The following EYS variants were observed in gnomAD, a reference collection of about 807,000 sequenced individuals.
EYS encodes protein eyes shut homolog.
A neutral mutation model predicts 282.1 loss-of-function variants in EYS; 250 were observed. The ratio of observed to expected loss-of-function variants is 0.89; its 90% CI spans 0.80 to 0.98. EYS has a LOEUF of 0.98. EYS is among the 50% of genes least tolerant of loss of function. EYS has a pLI of 0.00. For synonymous variants in EYS, 1,355 were observed against 1,282.9 expected (o/e 1.06, Z -1.20); for missense variants, 4,016 against 3,709.0 (o/e 1.08, Z -2.15).
chr6:64,336,288 G>T (rs986477169), intron 29 of EYS, among the ~76,000 whole-genome samples: 2 of 152,028 alleles, frequency 1.3e-5, no homozygotes, highest in African/African-American at 2.4e-5. Context: ...GTAGGAAAAG[G>T]AATTTCATGC....
intron 31 of EYS, among the ~76,000 whole-genome samples, chr6:64,130,499 A>G (rs1181386121): frequency 6.6e-6 from 1 of 152,104 alleles, no homozygotes; most frequent in Non-Finnish European, 1.5e-5. Context: ...GGGGGGAGGG[A>G]TAACATTAGA....
intron 2 of EYS, among the ~76,000 whole-genome samples, chr6:65,502,734 T>C (rs1766500238): frequency 6.6e-6 from 1 of 151,588 alleles, no homozygotes; most frequent in Admixed American, 6.6e-5. Flanking sequence ...TTAGGACTAT[T>C]GGTTAAGTAT....
chr6:64,071,580 C>T (rs759847434), intron 32 of EYS, among the ~76,000 whole-genome samples: 15,462 of 150,370 alleles, frequency 0.1, 1,432 homozygotes, highest in African/African-American at 0.26. Flanking sequence ...AAAGAAAAAT[C>T]AGCTAAATCT....
intron 2 of EYS, among the ~76,000 whole-genome samples, chr6:65,517,650 T>C: frequency 6.6e-6 from 1 of 152,018 alleles, no homozygotes; most frequent in African/African-American, 2.4e-5. Flanking sequence ...GTAAAATAAC[T>C]TAAATAAAAT....
intron 22 of EYS, among the ~76,000 whole-genome samples, chr6:64,792,856 A>ATGTGTGTGTGTGTG (rs758915162): frequency 9.9e-5 from 7 of 70,900 alleles, no homozygotes; most frequent in East Asian, 4.3e-4. Context: ...CGATCTTGAC[A>ATGTGTGTGTGTGTG]CGTGTGTGTG....
chr6:65,582,577 C>G (rs1457117940), intron 2 of EYS, among the ~76,000 whole-genome samples: 3 of 152,128 alleles, frequency 2.0e-5, no homozygotes, highest in Non-Finnish European at 4.4e-5. Flanking sequence ...GAGGGAATTA[C>G]ATGATATTTT....
intron 2 of EYS, among the ~76,000 whole-genome samples, chr6:65,627,848 G>C (rs935209399): frequency 1.3e-5 from 2 of 152,190 alleles, no homozygotes; most frequent in African/African-American, 4.8e-5. Context: ...GCTCCTGTGC[G>C]CCCGAGCCTC....
intron 41 of EYS, among the ~76,000 whole-genome samples, chr6:63,757,339 C>A (rs1222962532): frequency 1.3e-5 from 2 of 151,958 alleles, no homozygotes; most frequent in Non-Finnish European, 2.9e-5. Flanking sequence ...GAAGAAACCC[C>A]ACCCTGGTAA....
chr6:65,302,466 T>G (rs1768870922), intron 11 of EYS: 1 of 638,690 alleles, frequency 1.6e-6, no homozygotes, highest in Non-Finnish European at 2.9e-6. Context: ...GTCCTTGCTT[T>G]GAGGAAGCAG....
intron 31 of EYS, among the ~76,000 whole-genome samples, chr6:64,169,895 A>T (rs545788897): frequency 5.9e-5 from 9 of 152,296 alleles, no homozygotes; most frequent in Admixed American, 2.0e-4. Flanking sequence ...AGTGTAAGGA[A>T]GAAGGAATTG....
At chr6:63,992,465 T>TA (rs1276953035) in intron 34 of EYS, among the ~76,000 whole-genome samples, 1 of 151,750 alleles carries the variant, frequency 6.6e-6, no homozygotes, top group African/African-American at 2.4e-5. Context: ...GTACACAATA[T>TA]AAAATGAGGT....
chr6:64,144,835 G>A (rs1397769527), intron 31 of EYS, among the ~76,000 whole-genome samples: 2 of 152,094 alleles, frequency 1.3e-5, no homozygotes, highest in Non-Finnish European at 2.9e-5. Context: ...GCCACGTGTT[G>A]GGGATGGATG....
intron 22 of EYS, among the ~76,000 whole-genome samples, chr6:64,736,314 T>A (rs972381705): frequency 6.6e-5 from 10 of 152,140 alleles, no homozygotes; most frequent in African/African-American, 2.4e-4. Flanking sequence ...TAGTTAAAAA[T>A]AAAATTCTAT....
chr6:65,218,352 T>C (rs181683043), intron 12 of EYS, among the ~76,000 whole-genome samples: 3 of 152,172 alleles, frequency 2.0e-5, no homozygotes, highest in Non-Finnish European at 4.4e-5. Context: ...GCAGATGGTA[T>C]GAAGCATATT....
rs1267757030 is a variant in EYS, at chr6:64,307,040, T to C, written c.6121A>G (p.Ile2041Val). The C allele has an allele frequency of 6.5e-7, 1 of 1,544,298 alleles. No individual in the cohort carries two copies. The highest frequency in any genetic ancestry group is 1.4e-5 in the African/African-American group (1 of 72,862). ...VKNFTGCIEV[I>V]EINNWRSFIP... is the part of the protein sequence containing the mutation. The stretch of plus-strand genomic sequence containing the variant: ...AAAGATCTCCAGTTATTTATTTCTA[T>C]AACTTCTATGCAGCCAGTAAAATTC... Residue 2041 changes from isoleucine (I) to valine (V), a missense_variant, in exon 30 of 43, where the codon ATA (isoleucine) becomes GTA (valine). Ile to Val is a conservative substitution (Grantham distance 29). Coordinates refer to ENST00000503581, the MANE Select transcript of EYS (RefSeq NM_001142800.2).
At position 64,340,714 on chromosome 6, in the gene EYS, T is replaced by G. The variant is rs1255089405; in HGVS notation, c.6079-33632A>C. ...CAATTGCAACAAAACCAAAAACTGA[T>G]AAGTGAGGCCTAATTATACTAAAGA... On this transcript the variant is annotated intron_variant, in intron 29 of 42. Transcript: ENST00000503581. 2.0e-5 allele frequency among the ~76,000 whole-genome samples: 3 copies of G among 151,596 alleles called. No individual in the cohort carries two copies. In the East Asian group the frequency reaches 5.8e-4, roughly 29 times the overall value.
At chr6:65,424,404 C>T (rs900536023) in intron 5 of EYS, among the ~76,000 whole-genome samples, 3 of 151,954 alleles carry the variant, frequency 2.0e-5, no homozygotes, top group Non-Finnish European at 4.4e-5. Flanking sequence ...ATGTCCTTCA[C>T]TTTGTGGCTT....
chr6:64,607,562 G>A (rs1184977381), intron 24 of EYS, among the ~76,000 whole-genome samples: 3 of 151,960 alleles, frequency 2.0e-5, no homozygotes, highest in East Asian at 3.9e-4. Flanking sequence ...TCACCCTCAT[G>A]ACTGAATCAC....
At chr6:64,381,109 T>C (rs1315879573) in intron 29 of EYS, among the ~76,000 whole-genome samples, 1 of 151,998 alleles carries the variant, frequency 6.6e-6, no homozygotes, top group Non-Finnish European at 1.5e-5. Context: ...GATATGAGGA[T>C]ATAAGTATTT....
Sources: gnomAD v4.1 joint callset for allele counts (sites outside exome capture counted in the v4.1 genomes callset) on GRCh38, gnomAD v4.1.1 for gene constraint, MANE v1.5 for transcripts, NCBI Gene and HGNC (gene_info 2026-07-23, HGNC 2026-07-21) for gene names.